ERBB4: variants seen among roughly 807,000 people sequenced by gnomAD.
ERBB4 encodes the protein receptor tyrosine-protein kinase erbB-4.
In ERBB4, 42 loss-of-function variants were observed where a neutral mutation model predicts 158.0. That is an observed-to-expected ratio of 0.27 (90% CI 0.21 to 0.34). The LOEUF (loss-of-function observed/expected upper bound fraction) is 0.34, where lower values mean the gene tolerates loss of function less well. Among genes scored for constraint, ERBB4 ranks in the 10% least tolerant of loss-of-function variants. The probability of loss-of-function intolerance (pLI) is 1.00; values close to 1 mark genes in which losing one functional copy is unlikely to be tolerated. For missense variants in ERBB4, 1,333 were observed against 1,624.1 expected (o/e 0.82, Z 3.08); for synonymous variants, 583 against 558.7 (o/e 1.04, Z -0.61).
chr2:211,698,357 CTCTA>C lies in ERBB4; in HGVS notation c.1489+3606_1489+3609del, dbSNP rs1325700496. Among the ~76,000 whole-genome samples the C allele has an allele frequency of 6.0e-5, 9 of 149,918 alleles. No individual in the cohort carries two copies. In the East Asian group the frequency reaches 1.8e-3, roughly 29 times the overall value. ...AAGGGGAATAAGGAAGAGCTCTATG[CTCTA>C]TCTATTGAATGGGAGATGCTTATAC... On this transcript the variant is annotated intron_variant, in intron 12 of 27. Coordinates refer to ENST00000342788, the MANE Select transcript of ERBB4 (RefSeq NM_005235.3).
chr2:212,187,921 A>G (rs971531766), intron 1 of ERBB4, among the ~76,000 whole-genome samples: 1 of 152,198 alleles, frequency 6.6e-6, no homozygotes. Context: ...ATTAAAGCCC[A>G]ATTTTAATGC....
chr2:211,457,376 A>G (rs1431651371), intron 20 of ERBB4, among the ~76,000 whole-genome samples: 2 of 152,200 alleles, frequency 1.3e-5, no homozygotes, highest in Admixed American at 1.3e-4. Context: ...TCTATCTTGC[A>G]TTGTACATTT....
chr2:211,582,557 T>C (rs1183150608), intron 19 of ERBB4, among the ~76,000 whole-genome samples: 1 of 152,232 alleles, frequency 6.6e-6, no homozygotes, highest in Non-Finnish European at 1.5e-5. Context: ...ACTTCAACTC[T>C]CAAAGAATTA....
intron 20 of ERBB4, among the ~76,000 whole-genome samples, chr2:211,447,668 C>T (rs1342212080): frequency 6.6e-6 from 1 of 152,166 alleles, no homozygotes; most frequent in East Asian, 1.9e-4. Flanking sequence ...AAAAGTTCTA[C>T]ATCCACTAGG....
chr2:211,479,714 G>A (rs1039615884), intron 20 of ERBB4, among the ~76,000 whole-genome samples: 3 of 152,078 alleles, frequency 2.0e-5, no homozygotes, highest in African/African-American at 2.4e-5. Flanking sequence ...TTCATGCTCT[G>A]CCAATGAATC....
chr2:211,712,005 T>C, intron 9 of ERBB4, 45 bp downstream of exon 9: 1 of 1,545,414 alleles, frequency 6.5e-7, no homozygotes, highest in Non-Finnish European at 8.9e-7. Context: ...TCTTCAGTTT[T>C]GTCTACACTT....
chr2:212,118,476 A>G (rs1324109664), intron 2 of ERBB4, among the ~76,000 whole-genome samples: 2 of 152,192 alleles, frequency 1.3e-5, no homozygotes, highest in Non-Finnish European at 2.9e-5. Context: ...AGAGAATGAA[A>G]TAGTATAGAT....
At chr2:211,660,970 C>T (rs2071402222) in intron 15 of ERBB4, among the ~76,000 whole-genome samples, 1 of 152,068 alleles carries the variant, frequency 6.6e-6, no homozygotes, top group African/African-American at 2.4e-5. Context: ...TTTTACTTGT[C>T]ATTGTCATGG....
intron 1 of ERBB4, among the ~76,000 whole-genome samples, chr2:212,509,218 T>C (rs1324861513): frequency 6.6e-6 from 1 of 152,094 alleles, no homozygotes; most frequent in Non-Finnish European, 1.5e-5. Flanking sequence ...AGCAAATAAT[T>C]GTAAACTTTT....
chr2:211,541,836 CTTAAG>C (rs2125684682), intron 20 of ERBB4, among the ~76,000 whole-genome samples: 1 of 152,142 alleles, frequency 6.6e-6, no homozygotes, highest in South Asian at 2.1e-4. Flanking sequence ...CTGTGCTAAA[CTTAAG>C]TTCTTTATGC....
At chr2:211,430,908 T>C (rs757254767) in intron 21 of ERBB4, 37 bp downstream of exon 21, 3 of 1,542,972 alleles carry the variant, frequency 1.9e-6, no homozygotes, top group East Asian at 4.5e-5. Flanking sequence ...TATTATACTA[T>C]ATTTTCAAGC....
chr2:211,840,065 C>T (rs187431608), intron 3 of ERBB4, among the ~76,000 whole-genome samples: 16 of 151,906 alleles, frequency 1.1e-4, no homozygotes, highest in Admixed American at 1.3e-4. Flanking sequence ...CTCTGTGATA[C>T]GGTTTGGGTG....
At chr2:212,172,528 T>C (rs1044541369) in intron 1 of ERBB4, among the ~76,000 whole-genome samples, 8 of 152,256 alleles carry the variant, frequency 5.3e-5, no homozygotes, top group East Asian at 1.9e-4. Flanking sequence ...TTTCCATCAA[T>C]TGCAGATTAG....
At chr2:211,939,258 G>A (rs547712195) in intron 3 of ERBB4, among the ~76,000 whole-genome samples, 46 of 152,156 alleles carry the variant, frequency 3.0e-4, no homozygotes, top group Middle Eastern at 3.4e-3. Context: ...TATGAAGAAC[G>A]GGTAAATAGA....
intron 1 of ERBB4, among the ~76,000 whole-genome samples, chr2:212,216,162 G>T (rs183033777): frequency 1.3e-5 from 2 of 151,318 alleles, no homozygotes; most frequent in Non-Finnish European, 3.0e-5. Flanking sequence ...ATAGCAATGA[G>T]CATATTATTT....
At chr2:211,520,577 AGT>A (rs2066160054) in intron 20 of ERBB4, among the ~76,000 whole-genome samples, 1 of 152,092 alleles carries the variant, frequency 6.6e-6, no homozygotes, top group South Asian at 2.1e-4. Flanking sequence ...CAAACCCTAC[AGT>A]ATTTATTATC....
At position 212,366,352 on chromosome 2, in the gene ERBB4, A is replaced by G. The variant is rs527758261; in HGVS notation, c.82+172097T>C. Among the ~76,000 whole-genome samples the G allele has an allele frequency of 2.6e-4, 40 of 152,130 alleles. 1 individual carries two copies. The highest frequency in any genetic ancestry group is 9.6e-4 in the African/African-American group (40 of 41,548). ...ACAGTGAATTAAAATGACAATTTTA[A>G]TATCATTGGACTGCTTACACATCAC... is the stretch of plus-strand genomic sequence containing the variant. On this transcript the variant is annotated intron_variant, in intron 1 of 27. Transcript: ENST00000342788.
chr2:212,308,193 A>C (rs1344092065), intron 1 of ERBB4, among the ~76,000 whole-genome samples: 1 of 151,162 alleles, frequency 6.6e-6, no homozygotes, highest in Non-Finnish European at 1.5e-5. Flanking sequence ...TCTGGCATGT[A>C]ATAGGTATTA....
chr2:212,426,129 T>C (rs1000479337), intron 1 of ERBB4: 3 of 338,476 alleles, frequency 8.9e-6, no homozygotes, highest in Non-Finnish European at 1.8e-5. Flanking sequence ...ACTTTGTAAA[T>C]ATATTACTTG....
Sources: gnomAD v4.1 joint callset for allele counts (sites outside exome capture counted in the v4.1 genomes callset) on GRCh38, gnomAD v4.1.1 for gene constraint, MANE v1.5 for transcripts, NCBI Gene and HGNC (gene_info 2026-07-23, HGNC 2026-07-21) for gene names.